SEC22C: variants seen among roughly 807,000 people sequenced by gnomAD.
SEC22C encodes the protein vesicle-trafficking protein SEC22c.
Under a neutral mutation model 34.7 loss-of-function variants are expected in SEC22C, and 29 were observed. The observed-to-expected ratio is 0.84, with a 90% CI of 0.62 to 1.14. The LOEUF (loss-of-function observed/expected upper bound fraction) is 1.14, where lower values mean the gene tolerates loss of function less well. Ranked by LOEUF, SEC22C falls within the 50% of genes most tolerant of loss-of-function variation. SEC22C has a pLI of 0.00. For missense variants in SEC22C, 337 were observed against 369.0 expected, an observed-to-expected ratio of 0.91 and a Z score of 0.71; for synonymous variants, 117 against 132.8, an observed-to-expected ratio of 0.88 and a Z score of 0.82.
intron 3 of SEC22C, 120 bp from the exon 4 acceptor site, chr3:42,561,416 T>C (rs1241052627): frequency 3.1e-6 from 3 of 976,356 alleles, no homozygotes; most frequent in Non-Finnish European, 4.6e-6. Flanking sequence ...TGTCGCCCAC[T>C]CTGGAGTGCA....
intron 4 of SEC22C, among the ~76,000 whole-genome samples, chr3:42,558,287 C>T (rs990526014): frequency 4.0e-5 from 6 of 151,686 alleles, no homozygotes; most frequent in Non-Finnish European, 7.4e-5. Flanking sequence ...TCAAAACCAG[C>T]CTGGGCAACA....
At chr3:42,591,676 T>A (rs1704852701) in intron 1 of SEC22C, 1 of 1,034,748 alleles carries the variant, frequency 9.7e-7, no homozygotes, top group African/African-American at 1.6e-5. Flanking sequence ...TTTCTCGAAC[T>A]AAGAGTCTTG....
Position 42,553,147 on chromosome 3 carries a change from GA to G in SEC22C, c.*100del. On this transcript the variant is annotated 3_prime_UTR_variant, in exon 7 of 7. Coordinates refer to ENST00000264454, the MANE Select transcript of SEC22C (RefSeq NM_032970.4). ...TCCTGGTTTTTCAGTCCAGTTGGCT[GA>G]AAAGGATGGAAACTGGAGTGTAAAG... 6.6e-7 allele frequency: 1 copy of G among 1,508,384 alleles called. No homozygotes were observed. The allele number at this position is 1,508,384 out of a possible 1,614,324, so 93.4% of individuals were successfully genotyped here. A position where few individuals can be genotyped will look rare whatever the true frequency, so the allele number is the denominator to read the frequency against.
At chr3:42,599,253 C>T (rs915393751) in intron 1 of SEC22C, among the ~76,000 whole-genome samples, 1 of 151,026 alleles carries the variant, frequency 6.6e-6, no homozygotes, top group East Asian at 2.0e-4. Context: ...GCATGAGCCA[C>T]CACGCCCGCC....
At chr3:42,566,532 AG>A (rs1703254627) in intron 2 of SEC22C, among the ~76,000 whole-genome samples, 1 of 151,914 alleles carries the variant, frequency 6.6e-6, no homozygotes, top group Admixed American at 6.5e-5. Flanking sequence ...AAAAAAAATT[AG>A]CCAGGCGTGG....
Position 42,549,804 on chromosome 3 carries a change from A to T in SEC22C, c.*3444T>A. The T allele has an allele frequency of 1.0e-6, 1 of 985,540 alleles. No homozygotes were observed. Among genetic ancestry groups the T allele is most frequent in the Non-Finnish European group, 1.2e-6 (1 of 829,968 alleles). 61.0% of individuals were successfully genotyped at this position (985,540 alleles called of 1,614,324 possible). Reference sequence around the variant, plus strand: ...ACCTAGAAAAGAACAGAGGAGCTCAAGCTCATTTAATCAAAATGCTTAAAT... The same window carrying T: ...ACCTAGAAAAGAACAGAGGAGCTCATGCTCATTTAATCAAAATGCTTAAAT... On this transcript the variant is annotated 3_prime_UTR_variant, in exon 7 of 7. Coordinates refer to ENST00000264454, the MANE Select transcript of SEC22C (RefSeq NM_032970.4).
In SEC22C at chr3:42,556,056, A is replaced by G. The variant is rs1577295723; in HGVS notation, c.646-61T>C. 2.3e-6 allele frequency: 3 copies of G among 1,331,428 alleles called. No individual in the cohort carries two copies. In the East Asian group the frequency reaches 7.1e-5, roughly 31 times the overall value. 82.5% of individuals were successfully genotyped at this position (1,331,428 alleles called of 1,614,324 possible). On this transcript the variant is annotated intron_variant, in intron 5 of 6. Coordinates refer to ENST00000264454, the MANE Select transcript of SEC22C (RefSeq NM_032970.4). ...TTTAGATGAAAGGAAACACTGTGAC[A>G]TAAAGCACTTTACTCTGCCTTCTGT...
intron 3 of SEC22C, among the ~76,000 whole-genome samples, 158 bp from the exon 4 acceptor site, chr3:42,561,454 C>T (rs1323897314): frequency 6.6e-6 from 1 of 152,192 alleles, no homozygotes; most frequent in Non-Finnish European, 1.5e-5. Context: ...CAACTCACTG[C>T]AGCCTTGACC....
At chr3:42,591,189 A>G (rs1181998864) in intron 1 of SEC22C, 8 of 572,254 alleles carry the variant, frequency 1.4e-5, no homozygotes, top group Non-Finnish European at 2.4e-5. Flanking sequence ...CACTGCACTA[A>G]CCCTTTCTCT....
chr3:42,552,732 T>C lies in SEC22C; in HGVS notation c.*516A>G. ...TATCGAACCTAAGATATTGAAAAAA[T>C]GTAAACAAAATTTATCTAGCTTACA... On this transcript the variant is annotated 3_prime_UTR_variant, in exon 7 of 7. Transcript: ENST00000264454. 1.0e-6 allele frequency: 1 copy of C among 981,676 alleles called. No homozygotes were observed. Among genetic ancestry groups the C allele is most frequent in the Non-Finnish European group, 1.2e-6 (1 of 826,610 alleles). 60.8% of individuals were successfully genotyped at this position (981,676 alleles called of 1,614,324 possible).
At position 42,568,971 on chromosome 3, in the gene SEC22C, G is replaced by A. The variant is rs1703437397; in HGVS notation, c.76C>T (p.His26Tyr). The A allele has an allele frequency of 1.2e-6, 2 of 1,614,096 alleles. No homozygotes were observed. Among genetic ancestry groups the A allele is most frequent in the East Asian group, 2.2e-5 (1 of 44,874 alleles). ...LPLSASTDFY[H>Y]TQDFLEWRRR... ...CTCCATTCCAAAAAATCTTGGGTGT[G>A]GTAAAAATCAGTAGAGGCTGAGAGG... Residue 26 changes from histidine to tyrosine, a missense_variant, in exon 2 of 7, where the codon CAC becomes TAC. Transcript: ENST00000264454.
At chr3:42,599,749 T>C (rs1285729660) in intron 1 of SEC22C, among the ~76,000 whole-genome samples, 1 of 150,366 alleles carries the variant, frequency 6.7e-6, no homozygotes, top group Non-Finnish European at 1.5e-5. Context: ...TATATCCCAA[T>C]AGGAAAATGT....
chr3:42,570,739 G>A (rs1444610880), intron 1 of SEC22C, among the ~76,000 whole-genome samples: 1 of 152,068 alleles, frequency 6.6e-6, no homozygotes, highest in East Asian at 1.9e-4. Flanking sequence ...AAGGAATCAG[G>A]GGATTCCTTT....
chr3:42,550,566 T>A lies in SEC22C; in HGVS notation c.*2682A>T. Reference sequence around the variant, plus strand: ...TTTCAGTCAAACAATGTTTTTGTGGTCATTACTTGTACTGTTTTTCTAGTG... The same window carrying A: ...TTTCAGTCAAACAATGTTTTTGTGGACATTACTTGTACTGTTTTTCTAGTG... On this transcript the variant is annotated 3_prime_UTR_variant, in exon 7 of 7. Coordinates refer to ENST00000264454, the MANE Select transcript of SEC22C (RefSeq NM_032970.4). The A allele has an allele frequency of 1.0e-6, 1 of 985,460 alleles. No individual in the cohort carries two copies. The allele number at this position is 985,460 out of a possible 1,614,324, so 61.0% of individuals were successfully genotyped here.
chr3:42,583,147 A>C (rs1047593080), upstream of SEC22C, among the ~76,000 whole-genome samples: 4 of 152,242 alleles, frequency 2.6e-5, no homozygotes, highest in Non-Finnish European at 5.9e-5. Context: ...ACCATAGAAC[A>C]CTGGTCAAAA....
At chr3:42,567,378 G>A (rs562842616) in intron 2 of SEC22C, among the ~76,000 whole-genome samples, 17 of 152,342 alleles carry the variant, frequency 1.1e-4, no homozygotes, top group Admixed American at 3.3e-4. Flanking sequence ...CTTGCTCTGA[G>A]TCCTAGAACA....
chr3:42,599,428 C>T (rs1705180010), intron 1 of SEC22C, among the ~76,000 whole-genome samples: 1 of 151,168 alleles, frequency 6.6e-6, no homozygotes, highest in South Asian at 2.1e-4. Flanking sequence ...CGCGGTGGCT[C>T]ACGCCTGTAA....
rs1221700972 is a variant in SEC22C, at chr3:42,550,632, T to G, written c.*2616A>C. 4.1e-6 allele frequency: 4 copies of G among 985,222 alleles called. No individual in the cohort carries two copies. In the African/African-American group the frequency reaches 5.2e-5, roughly 13 times the overall value. The allele number at this position is 985,222 out of a possible 1,614,324, so 61.0% of individuals were successfully genotyped here. ...GTTTGCAAAAGTCAATCTCACCCCA[T>G]GTAGATGTTAACTGATATCCACACA... On this transcript the variant is annotated 3_prime_UTR_variant, in exon 7 of 7. Coordinates refer to ENST00000264454, the MANE Select transcript of SEC22C (RefSeq NM_032970.4).
upstream of SEC22C, among the ~76,000 whole-genome samples, chr3:42,585,946 C>G (rs540786909): frequency 4.5e-4 from 68 of 152,202 alleles, 2 homozygotes; most frequent in South Asian, 0.013. Flanking sequence ...TTCAACCCCC[C>G]CTCCCCCGCT....
Sources: allele counts gnomAD v4.1 joint callset (sites outside exome capture counted in the v4.1 genomes callset), GRCh38; gene constraint gnomAD v4.1.1; transcripts MANE v1.5; gene names NCBI Gene and HGNC (gene_info 2026-07-23, HGNC 2026-07-21).